Variants in ZNF331 observed in about 807,000 individuals in gnomAD.
ZNF331 encodes C2H2-like zinc finger protein rearranged in thyroid adenomas.
In ZNF331, 2 loss-of-function variants were observed where a neutral mutation model predicts 7.0. The observed-to-expected ratio is 0.29, with a 90% CI of 0.12 to 0.90. The LOEUF (loss-of-function observed/expected upper bound fraction) is 0.90. Among genes scored for constraint, ZNF331 ranks in the 40% least tolerant of loss-of-function variants. ZNF331 has a pLI of 0.58. For missense variants in ZNF331, 432 were observed against 587.7 expected, an observed-to-expected ratio of 0.74 and a Z score of 2.74; for synonymous variants, 196 against 205.4, an observed-to-expected ratio of 0.95 and a Z score of 0.39.
intron 3 of ZNF331, among the ~76,000 whole-genome samples, chr19:53,561,341 A>G (rs1406927876): frequency 2.6e-5 from 4 of 151,890 alleles, no homozygotes; most frequent in Non-Finnish European, 5.9e-5. Flanking sequence ...GGCCAAAAAA[A>G]AAAAAAAAAA....
At chr19:53,536,717 T>C (rs776598471), upstream of ZNF331, among the ~76,000 whole-genome samples, 32 of 152,174 alleles carry the variant, frequency 2.1e-4, no homozygotes, top group African/African-American at 7.0e-4. Flanking sequence ...CTGACCAACA[T>C]AGAGAAACCC....
In ZNF331 at chr19:53,577,481, C is replaced by T. The variant is rs2090772960; in HGVS notation, c.921C>T (p.Ala307=). The T allele has an allele frequency of 1.9e-6, 3 of 1,613,942 alleles. No individual in the cohort carries two copies. The highest frequency in any genetic ancestry group is 2.5e-6 in the Non-Finnish European group (3 of 1,180,004). ...KPYECQECGK[A]FTRVNYLTQH... ...ATGAATGTCAAGAATGTGGGAAGGC[C>T]TTTACTCGAGTCAATTACCTTACTC... The change falls in exon 6 of 6, where the codon GCC becomes GCT. Residue 307 remains alanine, a synonymous_variant. Coordinates refer to ENST00000449416, the MANE Select transcript of ZNF331 (RefSeq NM_001079906.2).
upstream of ZNF331, among the ~76,000 whole-genome samples, chr19:53,534,794 G>T (rs1189501633): frequency 2.0e-5 from 3 of 152,052 alleles, no homozygotes; most frequent in Admixed American, 6.6e-5. Flanking sequence ...AAGTCCATCT[G>T]CAACCTTCTT....
chr19:53,559,539 A>T (rs888476340), intron 3 of ZNF331, among the ~76,000 whole-genome samples: 1 of 151,048 alleles, frequency 6.6e-6, no homozygotes. Context: ...CACACACGCC[A>T]TATATACACA....
intron 3 of ZNF331, among the ~76,000 whole-genome samples, chr19:53,568,689 C>G (rs940308861): frequency 5.9e-5 from 9 of 151,820 alleles, no homozygotes; most frequent in African/African-American, 1.9e-4. Context: ...ACCCATCCGT[C>G]CCCGACAGGG....
chr19:53,520,117 G>A (rs533183611), upstream of ZNF331, among the ~76,000 whole-genome samples: 28 of 151,110 alleles, frequency 1.9e-4, no homozygotes, highest in East Asian at 5.1e-3. Flanking sequence ...GTGTGATCTC[G>A]GCTCACTGCA....
chr19:53,514,004 C>T, the ZNF331 span, among the ~76,000 whole-genome samples: 53,350 of 151,944 alleles, frequency 0.35, 9,702 homozygotes, highest in African/African-American at 0.44. Flanking sequence ...CTCCTTATCA[C>T]GCATAGGGTA....
At chr19:53,552,601 C>T (rs1414123066) in intron 2 of ZNF331, among the ~76,000 whole-genome samples, 2 of 151,978 alleles carry the variant, frequency 1.3e-5, no homozygotes, top group Middle Eastern at 3.2e-3. Context: ...GATGTGGTGG[C>T]GTGCACCTGT....
chr19:53,513,024 C>T, the ZNF331 span, among the ~76,000 whole-genome samples: 7 of 151,934 alleles, frequency 4.6e-5, no homozygotes, highest in East Asian at 3.9e-4. Context: ...GACCATGCTC[C>T]GGAGTCTCAG....
At chr19:53,517,808 C>T (rs987783074), upstream of ZNF331, among the ~76,000 whole-genome samples, 5 of 152,086 alleles carry the variant, frequency 3.3e-5, 1 homozygote, top group African/African-American at 9.7e-5. Context: ...GCCAAAGGCC[C>T]GAGAGCCCCC....
Position 53,571,466 on chromosome 19 carries a change from C to A in ZNF331, c.10-138C>A. On this transcript the variant is annotated intron_variant, in intron 4 of 5. Transcript: ENST00000449416. This position sits in a 1 kb window ranked among gnomAD's most constrained non-coding sequence, Gnocchi z 4.7. ...GCTTCCGTCACAGTTACAGTGATGT[C>A]CTTACCGCCCCTTGCCGATGTCACG... The A allele has an allele frequency of 3.8e-6, 4 of 1,043,486 alleles. No homozygotes were observed. Among genetic ancestry groups the A allele is most frequent in the Admixed American group, 2.3e-5 (1 of 44,322 alleles). The allele number at this position is 1,043,486 out of a possible 1,614,324, so 64.6% of individuals were successfully genotyped here.
At chr19:53,535,152 A>G (rs1224284832), upstream of ZNF331, among the ~76,000 whole-genome samples, 7 of 151,926 alleles carry the variant, frequency 4.6e-5, no homozygotes, top group African/African-American at 7.3e-5. Context: ...CTGGAGTGCA[A>G]TGGTACAAGC....
chr19:53,548,108 T>C (rs991745781), intron 2 of ZNF331, among the ~76,000 whole-genome samples: 5 of 151,890 alleles, frequency 3.3e-5, no homozygotes, highest in Non-Finnish European at 7.4e-5. Flanking sequence ...TTTTCTTTTC[T>C]TTTCTTTTCT....
chr19:53,515,145 G>A (rs2086872979), upstream of ZNF331, among the ~76,000 whole-genome samples: 2 of 152,228 alleles, frequency 1.3e-5, no homozygotes, highest in Admixed American at 6.5e-5. Flanking sequence ...TTTAGTGCCT[G>A]CCATTCTGAT....
chr19:53,574,221 A>G (rs1214837109), intron 5 of ZNF331, among the ~76,000 whole-genome samples: 1 of 152,192 alleles, frequency 6.6e-6, no homozygotes, highest in Non-Finnish European at 1.5e-5. Context: ...AGGGCATATA[A>G]TTTCTAAGCC....
At chr19:53,562,000 T>G (rs749693122) in intron 3 of ZNF331, among the ~76,000 whole-genome samples, 26 of 151,822 alleles carry the variant, frequency 1.7e-4, no homozygotes, top group Non-Finnish European at 2.7e-4. Flanking sequence ...ATACAAAAAT[T>G]AGGCAGGCGT....
chr19:53,560,015 C>A lies in ZNF331; in HGVS notation c.-74+4107C>A, dbSNP rs543314009. Among the ~76,000 whole-genome samples, 4 of 147,938 alleles carry A rather than the reference C, an allele frequency of 2.7e-5. No homozygotes were observed. The highest frequency in any genetic ancestry group is 1.0e-4 in the African/African-American group (4 of 38,758). On this transcript the variant is annotated intron_variant, in intron 3 of 5. Transcript: ENST00000449416. The surrounding 1 kb of genome is among the most constrained non-coding windows in gnomAD (Gnocchi z 4.3). ...ATATATACACACACATATACGCACA[C>A]ACACCCCATACACATGCATACCTCA...
In ZNF331 at chr19:53,579,940, C is replaced by T. The variant is rs1236569333; in HGVS notation, c.*1988C>T. 1.9e-5 allele frequency: 4 copies of T among 205,496 alleles called. No homozygotes were observed. The East Asian group carries it at 3.0e-4, about 15-fold the overall frequency. The allele number at this position is 205,496 out of a possible 1,614,324, so 12.7% of individuals were successfully genotyped here. The stretch of plus-strand genomic sequence containing the variant: ...ATTTAAAGGGGAGAAAACTTCAGCA[C>T]GTCTCAACAGAAGACCACCAAATGG... On this transcript the variant is annotated 3_prime_UTR_variant, in exon 6 of 6. Coordinates refer to ENST00000449416, the MANE Select transcript of ZNF331 (RefSeq NM_001079906.2).
At chr19:53,540,071 T>C (rs778110476) in intron 2 of ZNF331, among the ~76,000 whole-genome samples, 4 of 152,212 alleles carry the variant, frequency 2.6e-5, no homozygotes, top group Admixed American at 2.0e-4. Context: ...GACATTTTAG[T>C]ATATTATTTA....
Sources: allele counts gnomAD v4.1 joint callset (sites outside exome capture counted in the v4.1 genomes callset), GRCh38; gene constraint gnomAD v4.1.1; non-coding constraint Gnocchi (gnomAD v3.1); transcripts MANE v1.5; gene names NCBI Gene and HGNC (gene_info 2026-07-23, HGNC 2026-07-21).